ARID2: variants seen among roughly 807,000 people sequenced by gnomAD.
ARID2 encodes the protein AT-rich interactive domain-containing protein 2.
Under a neutral mutation model 184.6 loss-of-function variants are expected in ARID2, and 32 were observed. The observed-to-expected ratio is 0.17, with a 90% CI of 0.13 to 0.23. ARID2 has a LOEUF of 0.23. ARID2 is among the 10% of genes least tolerant of loss of function. ARID2 has a pLI of 1.00. For synonymous variants in ARID2, 836 were observed against 772.6 expected (o/e 1.08, Z -1.36); for missense variants, 1,696 against 2,197.6 (o/e 0.77, Z 4.56).
intron 18 of ARID2, 71 bp downstream of exon 18, chr12:45,892,167 G>C (rs1270204494): frequency 6.9e-7 from 1 of 1,458,436 alleles, no homozygotes; most frequent in Non-Finnish European, 9.3e-7. Flanking sequence ...AAAATGAAAC[G>C]CAACTTAGCA....
intron 3 of ARID2, among the ~76,000 whole-genome samples, chr12:45,734,518 G>A (rs927308161): frequency 2.6e-5 from 4 of 151,442 alleles, no homozygotes; most frequent in South Asian, 2.1e-4. Flanking sequence ...TATTCCTATA[G>A]TATGAAAGGA....
chr12:45,787,303 G>A (rs1012871970), intron 3 of ARID2, among the ~76,000 whole-genome samples: 2 of 150,034 alleles, frequency 1.3e-5, no homozygotes, highest in Admixed American at 1.3e-4. Flanking sequence ...CTATAGCCTC[G>A]ACCTCCCAGG....
At chr12:45,888,620 A>C (rs890328209) in intron 16 of ARID2, among the ~76,000 whole-genome samples, 1 of 152,250 alleles carries the variant, frequency 6.6e-6, no homozygotes, top group Non-Finnish European at 1.5e-5. Flanking sequence ...ATTACTGATC[A>C]TGATGACAAT....
chr12:45,879,340 AT>A (rs759058149), intron 16 of ARID2, among the ~76,000 whole-genome samples: 5 of 152,196 alleles, frequency 3.3e-5, no homozygotes, highest in Admixed American at 2.6e-4. Flanking sequence ...GTCTGGGCAT[AT>A]TAGAAATGTT....
At chr12:45,858,252 T>C (rs1943685166) in intron 15 of ARID2, among the ~76,000 whole-genome samples, 1 of 152,084 alleles carries the variant, frequency 6.6e-6, no homozygotes, top group Non-Finnish European at 1.5e-5. Flanking sequence ...ATACAGCTAC[T>C]CAGGAGGCTG....
rs1943536097 is a variant in ARID2 at position 45,850,874 on chromosome 12, A to G, written c.2751A>G (p.Gln917=). 1 of 1,614,138 alleles carries G rather than the reference A, an allele frequency of 6.2e-7. No individual in the cohort carries two copies. Among genetic ancestry groups the G allele is most frequent in the Non-Finnish European group, 8.5e-7 (1 of 1,180,012 alleles). The part of the protein sequence containing the change: ...SSTVVQQPIQ[Q]PQQPTQQSVV... ...CAGTGGTACAGCAGCCTATTCAACA[A>G]CCACAGCAGCCAACCCAACAAAGCG... Residue 917 remains glutamine, a synonymous_variant, in exon 15 of 21, where the codon CAA becomes CAG. Transcript: ENST00000334344.
At chr12:45,863,544 A>T (rs1401145477) in intron 16 of ARID2, among the ~76,000 whole-genome samples, 1 of 152,118 alleles carries the variant, frequency 6.6e-6, no homozygotes, top group Non-Finnish European at 1.5e-5. Context: ...CTATGATTGC[A>T]TCATTGCACT....
chr12:45,746,767 A>G (rs921478342), intron 3 of ARID2, among the ~76,000 whole-genome samples: 15 of 151,954 alleles, frequency 9.9e-5, no homozygotes, highest in African/African-American at 3.4e-4. Flanking sequence ...TAAGTTCTGG[A>G]TCTAGTATTT....
intron 15 of ARID2, among the ~76,000 whole-genome samples, chr12:45,855,414 G>A (rs1283937086): frequency 6.6e-6 from 1 of 152,138 alleles, no homozygotes; most frequent in Admixed American, 6.5e-5. Context: ...ACTTTGCAAG[G>A]AAAAAGAGAT....
At chr12:45,735,912 A>G (rs557304667) in intron 3 of ARID2, among the ~76,000 whole-genome samples, 1 of 152,312 alleles carries the variant, frequency 6.6e-6, no homozygotes, top group Admixed American at 6.5e-5. Flanking sequence ...AAATGTTTAT[A>G]TGCTTTTTTT....
chr12:45,839,369 T>G lies in ARID2; in HGVS notation c.1371T>G (p.Phe457Leu), dbSNP rs780705807. ...TGGTTTCTATGGATATTCAGATGTTTGGCCCTGATGCACTAGCTGCGGTAA... is the reference window on the plus strand; with the variant it reads ...TGGTTTCTATGGATATTCAGATGTTGGGCCCTGATGCACTAGCTGCGGTAA... ...VCLVSMDIQM[F>L]GPDALAAVKL... The change falls in exon 11 of 21, where the codon TTT (phenylalanine) becomes TTG (leucine). Residue 457 changes from phenylalanine (F) to leucine (L), a missense_variant. Around this residue, in one of 11 missense-constraint regions of ARID2, gnomAD observed 86 missense variants for 200.8 expected, o/e 0.43. Coordinates refer to ENST00000334344, the MANE Select transcript of ARID2 (RefSeq NM_152641.4). The G allele has an allele frequency of 1.2e-6, 2 of 1,613,720 alleles. No homozygotes were observed. Among genetic ancestry groups the G allele is most frequent in the South Asian group, 2.2e-5 (2 of 90,948 alleles).
rs1351241391 is a variant in ARID2, at chr12:45,906,717, A to G, written c.*1639A>G. ...CCTTTACATGACAAATTTGCATGAA[A>G]TAAGCAGATTAACCAAGTATTTATT... On this transcript the variant is annotated 3_prime_UTR_variant, in exon 21 of 21. Coordinates refer to ENST00000334344, the MANE Select transcript of ARID2 (RefSeq NM_152641.4). The G allele has an allele frequency of 4.3e-6, 1 of 232,112 alleles. No individual in the cohort carries two copies. The highest frequency in any genetic ancestry group is 2.2e-5 in the African/African-American group (1 of 45,316). The allele number at this position is 232,112 out of a possible 1,614,324, so 14.4% of individuals were successfully genotyped here. A position where few individuals can be genotyped will look rare whatever the true frequency, so the allele number is the denominator to read the frequency against.
intron 3 of ARID2, among the ~76,000 whole-genome samples, chr12:45,751,469 T>C (rs1941464167): frequency 6.6e-6 from 1 of 152,186 alleles, no homozygotes; most frequent in Non-Finnish European, 1.5e-5. Context: ...TTTTGAGCAA[T>C]GAAGTGTTAT....
chr12:45,756,198 G>A (rs1291731872), intron 3 of ARID2, among the ~76,000 whole-genome samples: 1 of 152,166 alleles, frequency 6.6e-6, no homozygotes, highest in African/African-American at 2.4e-5. Context: ...GAGCCAACGC[G>A]CCCAGCCTAG....
At chr12:45,825,090 G>C (rs1201437450) in intron 6 of ARID2, among the ~76,000 whole-genome samples, 1 of 151,804 alleles carries the variant, frequency 6.6e-6, no homozygotes, top group African/African-American at 2.4e-5. Context: ...AGGCTAGGAA[G>C]GGTCAGAGGG....
chr12:45,878,869 G>C (rs1329476049), intron 16 of ARID2, among the ~76,000 whole-genome samples: 1 of 152,098 alleles, frequency 6.6e-6, no homozygotes, highest in Non-Finnish European at 1.5e-5. Flanking sequence ...ATAGCCTTTG[G>C]CGTGAGGTTT....
rs558599709 is a variant in ARID2 at position 45,790,716 on chromosome 12, A to G, written c.285-20702A>G. On this transcript the variant is annotated intron_variant, in intron 3 of 20. Transcript: ENST00000334344. The stretch of plus-strand genomic sequence containing the variant: ...GGAATGCTACTGTTCACAAATGTCA[A>G]TTTTATTTCTTTCATAAAAACTATC... Among the ~76,000 whole-genome samples, 16 of 152,294 alleles carry G rather than the reference A, an allele frequency of 1.1e-4. No homozygotes were observed. In the South Asian group the frequency reaches 2.3e-3, roughly 22 times the overall value.
chr12:45,829,007 A>G (rs908292464), intron 6 of ARID2, among the ~76,000 whole-genome samples: 36 of 152,038 alleles, frequency 2.4e-4, no homozygotes, highest in African/African-American at 5.3e-4. Flanking sequence ...CATGAGGTCA[A>G]AAACAGAATG....
In ARID2 at chr12:45,892,162, G is replaced by T. The variant is rs1355970474; in HGVS notation, c.5147+66G>T. 4.0e-6 allele frequency: 6 copies of T among 1,495,878 alleles called. No individual in the cohort carries two copies. The African/African-American group carries it at 8.5e-5, about 21-fold the overall frequency. 92.7% of individuals were successfully genotyped at this position (1,495,878 alleles called of 1,614,324 possible). On this transcript the variant is annotated intron_variant, in intron 18 of 20. Transcript: ENST00000334344. Reference sequence around the variant, plus strand: ...GAAACTAGGCAAAACACAAGAAAATGAAACGCAACTTAGCATATTAGGAGA... The same window carrying T: ...GAAACTAGGCAAAACACAAGAAAATTAAACGCAACTTAGCATATTAGGAGA...
Sources: allele counts gnomAD v4.1 joint callset (sites outside exome capture counted in the v4.1 genomes callset), GRCh38; gene constraint gnomAD v4.1.1; regional missense constraint gnomAD v4.1.1; transcripts MANE v1.5; gene names NCBI Gene and HGNC (gene_info 2026-07-23, HGNC 2026-07-21).